The following KANK1 variants were observed in gnomAD, a reference collection of about 807,000 sequenced individuals.
KANK1 encodes the protein KN motif and ankyrin repeat domain-containing protein 1.
A neutral mutation model predicts 106.2 loss-of-function variants in KANK1; 109 were observed. The ratio of observed to expected loss-of-function variants is 1.03; its 90% confidence interval spans 0.88 to 1.20. The LOEUF (loss-of-function observed/expected upper bound fraction) is 1.20, where lower values mean the gene tolerates loss of function less well. Among genes scored for constraint, KANK1 ranks in the 50% most tolerant of loss-of-function variants. The pLI is 0.00. For missense variants in KANK1, 2,399 were observed against 1,710.7 expected (o/e 1.40, Z -7.10); for synonymous variants, 873 against 652.2 (o/e 1.34, Z -5.16).
At chr9:541,524 AAC>A (rs2060598214) in intron 1 of KANK1, among the ~76,000 whole-genome samples, 1 of 152,236 alleles carries the variant, frequency 6.6e-6, no homozygotes, top group African/African-American at 2.4e-5. Flanking sequence ...CTACTTGAAG[AAC>A]ACACAGAGAA....
chr9:665,180 A>G (rs1844283875), intron 1 of KANK1, among the ~76,000 whole-genome samples: 1 of 152,110 alleles, frequency 6.6e-6, no homozygotes, highest in Non-Finnish European at 1.5e-5. Flanking sequence ...ATGTAATCCC[A>G]TTTGTCCATT....
chr9:679,985 T>TAAA (rs1413568012), intron 2 of KANK1, among the ~76,000 whole-genome samples: 21 of 152,198 alleles, frequency 1.4e-4, no homozygotes, highest in African/African-American at 5.1e-4. Flanking sequence ...AAATAACATT[T>TAAA]AGAGAACCTA....
At chr9:646,603 ATAT>A (rs1839722969) in intron 1 of KANK1, among the ~76,000 whole-genome samples, 1 of 150,710 alleles carries the variant, frequency 6.6e-6, no homozygotes, top group Non-Finnish European at 1.5e-5. Context: ...ATTTTCAATC[ATAT>A]TATTGTATTG....
At position 525,025 on chromosome 9, in the gene KANK1, C is replaced by T. The variant is rs549631682; in HGVS notation, c.-84+20271C>T. Among the ~76,000 whole-genome samples, 8 of 121,784 alleles carry T rather than the reference C, an allele frequency of 6.6e-5. No individual in the cohort carries two copies. In the East Asian group the frequency reaches 1.8e-3, roughly 28 times the overall value. 79.9% of individuals were successfully genotyped at this position (121,784 alleles called of 152,430 possible). ...TTTTTGAGGCAGAGTCTCACTCTGTCACCCAGGCTGGAGAGCACTGGCTCA... is the reference window on the plus strand; with the variant it reads ...TTTTTGAGGCAGAGTCTCACTCTGTTACCCAGGCTGGAGAGCACTGGCTCA... On this transcript the variant is annotated intron_variant, in intron 1 of 11. Coordinates refer to ENST00000382297, the MANE Select transcript of KANK1 (RefSeq NM_015158.5).
intron 3 of KANK1, among the ~76,000 whole-genome samples, chr9:716,205 GTGGGTTCACATTC>G (rs1827653170): frequency 6.6e-6 from 1 of 152,210 alleles, no homozygotes; most frequent in South Asian, 2.1e-4. Context: ...GCTAGACAGT[GTGGGTTCACATTC>G]TTTCTCTGTC....
intron 6 of KANK1, chr9:733,173 T>C (rs1832783435): frequency 1.3e-5 from 2 of 152,258 alleles, no homozygotes; most frequent in South Asian, 4.1e-4. Flanking sequence ...ACACTCTGGT[T>C]GGCTGAAATA....
intron 1 of KANK1, among the ~76,000 whole-genome samples, chr9:670,323 A>G (rs146856671): frequency 4.8e-4 from 73 of 152,242 alleles, no homozygotes; most frequent in Admixed American, 1.8e-3. Context: ...ATTTATTCCA[A>G]TCTTCTCTGT....
At chr9:664,477 T>C (rs1844110393) in intron 1 of KANK1, among the ~76,000 whole-genome samples, 1 of 152,160 alleles carries the variant, frequency 6.6e-6, no homozygotes, top group Admixed American at 6.5e-5. Flanking sequence ...ATTATTATTT[T>C]GTAGAGACAG....
chr9:616,590 A>G (rs933871445), intron 1 of KANK1, among the ~76,000 whole-genome samples: 1 of 152,208 alleles, frequency 6.6e-6, no homozygotes, highest in Non-Finnish European at 1.5e-5. Context: ...CCTTCCATCC[A>G]GGCTTGGCTT....
chr9:607,859 G>A (rs1287598278), intron 1 of KANK1, among the ~76,000 whole-genome samples: 1 of 151,610 alleles, frequency 6.6e-6, no homozygotes, highest in Non-Finnish European at 1.5e-5. Flanking sequence ...TCTTTTGGAA[G>A]CACCTTAGCA....
rs767618077 is a variant in KANK1 at position 691,611 on chromosome 9, A to ATTTTTTT, written c.37+14615_37+14621dup. ...AATAATGTAACTAAATAATACCAGA[A>ATTTTTTT]TTTTTTTTTTTTTTTTTTTGAGACC... On this transcript the variant is annotated intron_variant, in intron 2 of 11. Transcript: ENST00000382297. Among the ~76,000 whole-genome samples, 161 of 71,000 alleles carry ATTTTTTT rather than the reference A, an allele frequency of 2.3e-3. 28 individuals carry two copies. In the Middle Eastern group the frequency reaches 0.026, roughly 11 times the overall value. The allele number at this position is 71,000 out of a possible 152,430, so 46.6% of individuals were successfully genotyped here.
chr9:588,789 A>G (rs907914666), intron 1 of KANK1, among the ~76,000 whole-genome samples: 10 of 152,100 alleles, frequency 6.6e-5, no homozygotes, highest in African/African-American at 2.4e-4. Flanking sequence ...CTGTGCCTCA[A>G]TTTCCCCGTA....
At chr9:609,063 C>G (rs1358182903) in intron 1 of KANK1, among the ~76,000 whole-genome samples, 1 of 151,756 alleles carries the variant, frequency 6.6e-6, no homozygotes, top group African/African-American at 2.4e-5. Flanking sequence ...TCTTCATGTT[C>G]TCAGAACTCA....
At chr9:735,558 A>C (rs572291652) in intron 7 of KANK1, among the ~76,000 whole-genome samples, 3 of 152,228 alleles carry the variant, frequency 2.0e-5, no homozygotes, top group Non-Finnish European at 4.4e-5. Flanking sequence ...TTATTAGTGC[A>C]TTGAGAAAAT....
rs535969639 is a variant in KANK1 at position 515,447 on chromosome 9, G to T, written c.-84+10693G>T. 8.0e-5 allele frequency among the ~76,000 whole-genome samples: 12 copies of T among 150,620 alleles called. 1 individual carries two copies. Among genetic ancestry groups the T allele is most frequent in the African/African-American group, 3.0e-4 (12 of 40,584 alleles). On this transcript the variant is annotated intron_variant, in intron 1 of 11. Coordinates refer to ENST00000382297, the MANE Select transcript of KANK1 (RefSeq NM_015158.5). ...TTTTCTGTTTCTCTACACATTTATT[G>T]TGTTTTTTTGTTTTAGTTTTATGAG...
intron 1 of KANK1, among the ~76,000 whole-genome samples, chr9:545,751 T>C (rs1427717787): frequency 8.9e-6 from 1 of 112,320 alleles, no homozygotes; most frequent in Non-Finnish European, 1.7e-5. Context: ...TTTTTTTTTT[T>C]AAATTCCCTG....
chr9:620,511 T>C (rs1832901760), intron 1 of KANK1, among the ~76,000 whole-genome samples: 1 of 152,016 alleles, frequency 6.6e-6, no homozygotes, highest in African/African-American at 2.4e-5. Context: ...CAAGCGATTC[T>C]CCTGCCTCTG....
chr9:474,361 G>A (rs2058069778), intron 3 of KANK1, among the ~76,000 whole-genome samples: 1 of 152,202 alleles, frequency 6.6e-6, no homozygotes, highest in South Asian at 2.1e-4. Flanking sequence ...GCCTTGTCCT[G>A]TCTCTTACTA....
Position 605,864 on chromosome 9 carries a change from G to C in KANK1, c.-83-71026G>C, listed in dbSNP as rs78561374. ...GTTGAGCAGTGATCAAGATGGGAGA[G>C]AGAAATGGTAATGGGACTAACTGGC... On this transcript the variant is annotated intron_variant, in intron 1 of 11. Coordinates refer to ENST00000382297, the MANE Select transcript of KANK1 (RefSeq NM_015158.5). 9.1e-3 allele frequency among the ~76,000 whole-genome samples: 1,377 copies of C among 151,678 alleles called. 51 individuals carry two copies. Among genetic ancestry groups the C allele is most frequent in the African/African-American group, 0.032 (1,299 of 41,042 alleles).
Sources: allele counts gnomAD v4.1 joint callset (sites outside exome capture counted in the v4.1 genomes callset), GRCh38; gene constraint gnomAD v4.1.1; transcripts MANE v1.5; gene names NCBI Gene and HGNC (gene_info 2026-07-23, HGNC 2026-07-21).